The following CENPP variants were observed in gnomAD, a reference collection of about 807,000 sequenced individuals.
The protein encoded by CENPP is centromere protein P.
A neutral mutation model predicts 35.6 loss-of-function variants in CENPP; 24 were observed. The ratio of observed to expected loss-of-function variants is 0.67; its 90% CI spans 0.49 to 0.95. The LOEUF (loss-of-function observed/expected upper bound fraction) is 0.95. Among genes scored for constraint, CENPP ranks in the 40% least tolerant of loss-of-function variants. CENPP has a pLI of 0.00. For missense variants in CENPP, 332 were observed against 345.3 expected (o/e 0.96, Z 0.31); for synonymous variants, 120 against 125.5 (o/e 0.96, Z 0.29).
chr9:92,552,163 T>C (rs1335916835), intron 5 of CENPP, among the ~76,000 whole-genome samples: 15 of 136,868 alleles, frequency 1.1e-4, no homozygotes, highest in African/African-American at 2.6e-4. Flanking sequence ...ATCTATCATA[T>C]ATATGTGATA....
chr9:92,478,355 T>G (rs1179579522), intron 5 of CENPP, among the ~76,000 whole-genome samples: 2 of 152,244 alleles, frequency 1.3e-5, no homozygotes, highest in Non-Finnish European at 2.9e-5. Flanking sequence ...TTCTTGAGGC[T>G]TAATCCTATT....
chr9:92,505,860 C>T (rs1231450724), intron 5 of CENPP, among the ~76,000 whole-genome samples: 1 of 151,862 alleles, frequency 6.6e-6, no homozygotes, highest in African/African-American at 2.4e-5. Flanking sequence ...TTTGTACATC[C>T]CAGATGCTCA....
At chr9:92,561,928 A>G (rs1849856577) in intron 5 of CENPP, among the ~76,000 whole-genome samples, 1 of 152,232 alleles carries the variant, frequency 6.6e-6, no homozygotes. Flanking sequence ...TCCAGTTTAC[A>G]GAGGAGGAAA....
rs528068944 is a variant in CENPP, at chr9:92,527,749, T to G, written c.565-83565T>G. 2.6e-4 allele frequency among the ~76,000 whole-genome samples: 40 copies of G among 151,676 alleles called. No individual in the cohort carries two copies. In the South Asian group the frequency reaches 7.1e-3, roughly 27 times the overall value. On this transcript the variant is annotated intron_variant, in intron 5 of 7. Coordinates refer to ENST00000375587, the MANE Select transcript of CENPP (RefSeq NM_001012267.3). Reference sequence around the variant, plus strand: ...AGTCTTGGCAAATATTGTGATTGTTTCTTAGTAGAAACCTACAATGGTAGT... The same window carrying G: ...AGTCTTGGCAAATATTGTGATTGTTGCTTAGTAGAAACCTACAATGGTAGT...
At chr9:92,417,344 A>G (rs758409289) in intron 5 of CENPP, 1 of 1,614,060 alleles carries the variant, frequency 6.2e-7, no homozygotes. Flanking sequence ...TGATGATGGA[A>G]AGTTAGTTGG....
intron 4 of CENPP, among the ~76,000 whole-genome samples, chr9:92,346,110 T>C (rs1010548964): frequency 1.3e-5 from 2 of 152,222 alleles, no homozygotes; most frequent in African/African-American, 4.8e-5. Context: ...AATATAAAAT[T>C]ATGGCTATGT....
intron 2 of CENPP, among the ~76,000 whole-genome samples, chr9:92,332,789 CAGAGCA>C (rs145569044): frequency 0.031 from 4,605 of 148,042 alleles, 106 homozygotes; most frequent in South Asian, 0.08. Flanking sequence ...CCCTGGGGGA[CAGAGCA>C]AGACTCCATT....
intron 5 of CENPP, among the ~76,000 whole-genome samples, chr9:92,534,863 G>A (rs1289791165): frequency 6.6e-6 from 1 of 152,156 alleles, no homozygotes; most frequent in Non-Finnish European, 1.5e-5. Flanking sequence ...ATTAACAATT[G>A]TATGTGCAGA....
At chr9:92,359,594 T>C (rs575379141) in intron 4 of CENPP, among the ~76,000 whole-genome samples, 55 of 152,124 alleles carry the variant, frequency 3.6e-4, no homozygotes, top group Non-Finnish European at 7.1e-4. Flanking sequence ...AAAGGGGAAA[T>C]GAAGAAAATG....
chr9:92,396,668 G>A (rs936652090), intron 5 of CENPP, among the ~76,000 whole-genome samples: 13 of 151,254 alleles, frequency 8.6e-5, no homozygotes, highest in Non-Finnish European at 1.5e-4. Flanking sequence ...GGGCTCAAGC[G>A]ATCCTCCTGC....
intron 5 of CENPP, among the ~76,000 whole-genome samples, chr9:92,491,992 A>G (rs564553472): frequency 6.6e-5 from 10 of 152,270 alleles, no homozygotes; most frequent in South Asian, 6.2e-4. Context: ...GAGTCCCTCC[A>G]TCTGCTTCCC....
At chr9:92,420,700 T>C (rs754912661) in intron 5 of CENPP, among the ~76,000 whole-genome samples, 4 of 152,216 alleles carry the variant, frequency 2.6e-5, no homozygotes, top group African/African-American at 4.8e-5. Context: ...TATTTTCTTA[T>C]ATGTATCCCT....
intron 5 of CENPP, among the ~76,000 whole-genome samples, chr9:92,509,499 G>A (rs1309319848): frequency 1.3e-5 from 2 of 152,200 alleles, no homozygotes; most frequent in Non-Finnish European, 1.5e-5. Context: ...GAGTGATAAA[G>A]GAGATCCAAT....
At chr9:92,442,601 G>A (rs1178352197) in intron 5 of CENPP, among the ~76,000 whole-genome samples, 1 of 151,926 alleles carries the variant, frequency 6.6e-6, no homozygotes, top group Non-Finnish European at 1.5e-5. Flanking sequence ...TGTAATCCTA[G>A]CACTTTGGGA....
At chr9:92,391,624 A>G (rs188381159) in intron 5 of CENPP, among the ~76,000 whole-genome samples, 70 of 152,206 alleles carry the variant, frequency 4.6e-4, no homozygotes, top group African/African-American at 1.6e-3. Context: ...CCAAAAAACA[A>G]AAATCAATAA....
chr9:92,393,131 A>C, intron 5 of CENPP: 1 of 1,613,860 alleles, frequency 6.2e-7, no homozygotes, highest in Non-Finnish European at 8.5e-7. Context: ...ATTTTGTTGA[A>C]TCGTGCGTAA....
chr9:92,468,057 C>T (rs185046151), intron 5 of CENPP, among the ~76,000 whole-genome samples: 210 of 152,202 alleles, frequency 1.4e-3, no homozygotes, highest in Admixed American at 2.4e-3. Flanking sequence ...TGAGGAAATG[C>T]GTAAAGTGAA....
rs1178020248 is a variant in CENPP, at chr9:92,618,208, G to A, written c.*5059G>A. ...GAGATCCTCTCCTTTTGTTGAGAAA[G>A]GCCTGGCTAGAGTGCTTTGTGCAGG... On this transcript the variant is annotated 3_prime_UTR_variant, in exon 8 of 8. Coordinates refer to ENST00000375587, the MANE Select transcript of CENPP (RefSeq NM_001012267.3). The A allele has an allele frequency of 2.2e-6, 1 of 456,576 alleles. No homozygotes were observed. Among genetic ancestry groups the A allele is most frequent in the South Asian group, 1.5e-5 (1 of 64,560 alleles). 28.3% of individuals were successfully genotyped at this position (456,576 alleles called of 1,614,324 possible). A position where few individuals can be genotyped will look rare whatever the true frequency, so the allele number is the denominator to read the frequency against.
Position 92,345,765 on chromosome 9 carries a change from G to A in CENPP, c.445G>A (p.Glu149Lys). Residue 149 changes from glutamate (E) to lysine (K), a missense_variant, in exon 4 of 8, where the codon GAA (glutamate) becomes AAA (lysine). Coordinates refer to ENST00000375587, the MANE Select transcript of CENPP (RefSeq NM_001012267.3). ...NIIMEPTECSELSEFVSRAEE... is the reference protein window; with the variant it reads ...NIIMEPTECSKLSEFVSRAEE... ...AATAATGGAGCCCACAGAATGCTCA[G>A]AATTAAGTGAATTTGTGTCTAGGTA... 2 of 1,600,322 alleles carry A rather than the reference G, an allele frequency of 1.2e-6. No individual in the cohort carries two copies. Among genetic ancestry groups the A allele is most frequent in the Non-Finnish European group, 1.7e-6 (2 of 1,168,754 alleles).
Sources: allele counts gnomAD v4.1 joint callset (sites outside exome capture counted in the v4.1 genomes callset), GRCh38; gene constraint gnomAD v4.1.1; transcripts MANE v1.5; gene names NCBI Gene and HGNC (gene_info 2026-07-23, HGNC 2026-07-21).